EGFLAM: variants seen among roughly 807,000 people sequenced by gnomAD.
The protein encoded by EGFLAM is EGF like, fibronectin type III and laminin G domains, also known as pikachurin.
A neutral mutation model predicts 113.1 loss-of-function variants in EGFLAM; 79 were observed. The ratio of observed to expected loss-of-function variants is 0.70; its 90% CI spans 0.58 to 0.84. EGFLAM has a LOEUF of 0.84. EGFLAM is among the 40% of genes least tolerant of loss of function. The probability of loss-of-function intolerance (pLI) is 0.00; values close to 1 mark genes in which losing one functional copy is unlikely to be tolerated. For synonymous variants in EGFLAM, 504 were observed against 487.6 expected, an observed-to-expected ratio of 1.03 and a Z score of -0.44; for missense variants, 1,265 against 1,291.6, an observed-to-expected ratio of 0.98 and a Z score of 0.32.
At position 38,411,483 on chromosome 5, in the gene EGFLAM, CTTT is replaced by C. The variant is rs759299989; in HGVS notation, c.1350-1002_1350-1000del. On this transcript the variant is annotated intron_variant, in intron 10 of 21. Coordinates refer to ENST00000322350, the MANE Select transcript of EGFLAM (RefSeq NM_152403.4). ...ATTAGCTACTACCTTTCATTAATTT[CTTT>C]TTTTTTTTTTTTTTTTTTGAGACAG... is the stretch of plus-strand genomic sequence containing the variant. Among the ~76,000 whole-genome samples, 636 of 113,406 alleles carry C rather than the reference CTTT, an allele frequency of 5.6e-3. 7 individuals carry two copies. Among genetic ancestry groups the C allele is most frequent in the African/African-American group, 0.021 (602 of 28,192 alleles). 74.4% of individuals were successfully genotyped at this position (113,406 alleles called of 152,430 possible).
intron 5 of EGFLAM, 89 bp from the exon 6 acceptor site, chr5:38,370,207 C>G: frequency 1.5e-6 from 2 of 1,349,148 alleles, no homozygotes; most frequent in Non-Finnish European, 2.1e-6. Flanking sequence ...TTCCAGAGTT[C>G]AAATGCTATT....
chr5:38,270,099 TGTAGA>T (rs1406336597), intron 1 of EGFLAM, among the ~76,000 whole-genome samples: 1 of 152,032 alleles, frequency 6.6e-6, no homozygotes, highest in African/African-American at 2.4e-5. Flanking sequence ...TGGGACACTC[TGTAGA>T]GTAACCTGGG....
At chr5:38,261,380 A>T (rs1206345869) in intron 1 of EGFLAM, among the ~76,000 whole-genome samples, 1 of 152,220 alleles carries the variant, frequency 6.6e-6, no homozygotes, top group Non-Finnish European at 1.5e-5. Flanking sequence ...CTGTTCTAAG[A>T]ACTGGATGCA....
intron 1 of EGFLAM, among the ~76,000 whole-genome samples, chr5:38,323,811 G>T (rs1340748767): frequency 2.6e-5 from 4 of 152,086 alleles, no homozygotes; most frequent in Non-Finnish European, 4.4e-5. Context: ...CACTTTGGGA[G>T]GCCAAGGTGG....
At chr5:38,324,645 A>C (rs2111904366) in intron 1 of EGFLAM, among the ~76,000 whole-genome samples, 1 of 152,192 alleles carries the variant, frequency 6.6e-6, no homozygotes, top group Admixed American at 6.5e-5. Flanking sequence ...TGCTGCACTC[A>C]ACTGCTTTAC....
At chr5:38,298,005 A>G (rs75172565) in intron 1 of EGFLAM, among the ~76,000 whole-genome samples, 12 of 152,308 alleles carry the variant, frequency 7.9e-5, no homozygotes, top group Non-Finnish European at 1.3e-4. Context: ...CAAAATTCAC[A>G]CAGCACGTAA....
At chr5:38,411,225 C>A (rs926626642) in intron 10 of EGFLAM, among the ~76,000 whole-genome samples, 2 of 151,988 alleles carry the variant, frequency 1.3e-5, no homozygotes, top group Non-Finnish European at 2.9e-5. Flanking sequence ...GTCAGGAGAT[C>A]GAGACCATCC....
intron 5 of EGFLAM, among the ~76,000 whole-genome samples, chr5:38,365,811 C>T (rs1182618218): frequency 2.6e-5 from 4 of 152,074 alleles, no homozygotes; most frequent in Non-Finnish European, 5.9e-5. Context: ...TGTTTACTTA[C>T]TGTGAGTCAA....
At chr5:38,426,861 G>A in intron 13 of EGFLAM, 148 bp from the exon 14 acceptor site, 1 of 1,227,070 alleles carries the variant, frequency 8.1e-7, no homozygotes, top group Non-Finnish European at 1.1e-6. Context: ...CTACTGGCCA[G>A]AATTCAGTCA....
At chr5:38,431,681 A>G (rs1322307959) in intron 15 of EGFLAM, among the ~76,000 whole-genome samples, 1 of 152,182 alleles carries the variant, frequency 6.6e-6, no homozygotes, top group African/African-American at 2.4e-5. Flanking sequence ...CTGTAAGTCC[A>G]GACTCCTGGG....
intron 1 of EGFLAM, among the ~76,000 whole-genome samples, chr5:38,280,113 A>G (rs915250960): frequency 2.0e-5 from 3 of 152,230 alleles, no homozygotes; most frequent in East Asian, 1.9e-4. Flanking sequence ...TAGTTGGTGC[A>G]TATACACATA....
chr5:38,427,087 A>G lies in EGFLAM; in HGVS notation c.1889A>G (p.His630Arg), dbSNP rs1051701047. Reference protein sequence around the residue: ...AATPWPLEPQHYLSFMEFEIT... With the variant: ...AATPWPLEPQRYLSFMEFEIT... ...ACTCCCTGGCCACTGGAGCCCCAGC[A>G]TTACCTTTCCTTCATGGAATTTGAG... The change falls in exon 14 of 22, where the codon CAT becomes CGT. Residue 630 changes from histidine to arginine, a missense_variant. His to Arg is a conservative substitution (Grantham distance 29, BLOSUM62 0). Transcript: ENST00000322350. The G allele has an allele frequency of 3.1e-6, 5 of 1,613,808 alleles. No individual in the cohort carries two copies. The African/African-American group carries it at 4.0e-5, about 13-fold the overall frequency.
At position 38,264,754 on chromosome 5, in the gene EGFLAM, G is replaced by A. The variant is rs935089693; in HGVS notation, c.97+5903G>A. ...TACTCCATATCCCAGTGCTGATTCA[G>A]GCTGTCTCATTTATCAGGGAAATCT... On this transcript the variant is annotated intron_variant, in intron 1 of 21. Transcript: ENST00000322350. 2.6e-5 allele frequency among the ~76,000 whole-genome samples: 4 copies of A among 152,168 alleles called. No individual in the cohort carries two copies. The South Asian group carries it at 8.3e-4, about 32-fold the overall frequency.
At chr5:38,377,671 G>A (rs569979447) in intron 6 of EGFLAM, among the ~76,000 whole-genome samples, 3 of 152,230 alleles carry the variant, frequency 2.0e-5, no homozygotes, top group South Asian at 2.1e-4. Context: ...GGCAAGGTTC[G>A]CAGGCAAAAG....
In EGFLAM at chr5:38,337,392, C is replaced by A. The variant is rs1739216164; in HGVS notation, c.98-128C>A. On this transcript the variant is annotated intron_variant, in intron 1 of 21. Transcript: ENST00000322350. Reference sequence around the variant, plus strand: ...ATAGGTGTGGTGTATCAGAAATTGACTGCATTTCTGGAATTATCTTTAAGT... The same window carrying A: ...ATAGGTGTGGTGTATCAGAAATTGAATGCATTTCTGGAATTATCTTTAAGT... 3.4e-6 allele frequency: 3 copies of A among 889,662 alleles called. 1 individual carries two copies. The South Asian group carries it at 5.7e-5, about 17-fold the overall frequency. The allele number at this position is 889,662 out of a possible 1,614,324, so 55.1% of individuals were successfully genotyped here.
intron 1 of EGFLAM, among the ~76,000 whole-genome samples, chr5:38,310,870 G>C (rs1738423441): frequency 6.6e-6 from 1 of 152,142 alleles, no homozygotes; most frequent in Non-Finnish European, 1.5e-5. Context: ...GAGAACTACT[G>C]AAAAATGATC....
At chr5:38,451,566 G>A (rs1742915585) in intron 19 of EGFLAM, 108 bp downstream of exon 19, 1 of 1,467,770 alleles carries the variant, frequency 6.8e-7, no homozygotes. Flanking sequence ...TGCTGGAATT[G>A]GCTGAAGCCT....
intron 1 of EGFLAM, among the ~76,000 whole-genome samples, chr5:38,303,641 T>C (rs1758650857): frequency 6.6e-6 from 1 of 152,200 alleles, no homozygotes; most frequent in Non-Finnish European, 1.5e-5. Flanking sequence ...ATTGCTTGTA[T>C]ATGTCAAAAA....
intron 1 of EGFLAM, among the ~76,000 whole-genome samples, chr5:38,272,456 G>T (rs927647915): frequency 2.0e-5 from 3 of 152,164 alleles, no homozygotes; most frequent in Non-Finnish European, 4.4e-5. Flanking sequence ...GCGGGAAAAG[G>T]ATAAAGCTAG....
Sources: gnomAD v4.1 joint callset for allele counts (sites outside exome capture counted in the v4.1 genomes callset) on GRCh38, gnomAD v4.1.1 for gene constraint, MANE v1.5 for transcripts, NCBI Gene and HGNC (gene_info 2026-07-23, HGNC 2026-07-21) for gene names.